The following FBXL17 variants were observed in gnomAD, a reference collection of about 807,000 sequenced individuals.
The protein encoded by FBXL17 is F-box/LRR-repeat protein 17.
A neutral mutation model predicts 66.2 loss-of-function variants in FBXL17; 22 were observed. The observed-to-expected ratio is 0.33, with a 90% CI of 0.24 to 0.47. The LOEUF is 0.47. Among genes scored for constraint, FBXL17 ranks in the 20% least tolerant of loss-of-function variants. FBXL17 has a pLI of 1.00. For missense variants in FBXL17, 878 were observed against 948.2 expected (o/e 0.93, Z 0.97); for synonymous variants, 474 against 400.5 (o/e 1.18, Z -2.19).
chr5:107,895,847 G>T (rs890328139), intron 7 of FBXL17, among the ~76,000 whole-genome samples: 8 of 152,100 alleles, frequency 5.3e-5, no homozygotes, highest in Non-Finnish European at 1.2e-4. Context: ...AGGTTTCTAT[G>T]TTCAAGAGGT....
chr5:108,239,072 T>C (rs984926082), intron 4 of FBXL17, among the ~76,000 whole-genome samples: 7 of 151,918 alleles, frequency 4.6e-5, no homozygotes, highest in Non-Finnish European at 5.9e-5. Flanking sequence ...ATTTTTTTTT[T>C]AGAGACAGTG....
chr5:107,930,361 T>C (rs979111884), intron 7 of FBXL17, among the ~76,000 whole-genome samples: 3 of 152,196 alleles, frequency 2.0e-5, no homozygotes, highest in Non-Finnish European at 2.9e-5. Context: ...CCAGCTGTTC[T>C]TGTGGCCAAC....
intron 6 of FBXL17, among the ~76,000 whole-genome samples, chr5:108,138,222 C>T (rs1310442088): frequency 1.3e-5 from 2 of 152,162 alleles, no homozygotes; most frequent in African/African-American, 4.8e-5. Context: ...AAATACATTT[C>T]AGACTACAAA....
intron 7 of FBXL17, among the ~76,000 whole-genome samples, chr5:107,934,742 C>T (rs1750844162): frequency 6.6e-6 from 1 of 152,054 alleles, no homozygotes; most frequent in Non-Finnish European, 1.5e-5. Context: ...TCAGACAGGC[C>T]ATTTCAGGAG....
intron 6 of FBXL17, among the ~76,000 whole-genome samples, chr5:108,082,096 A>G (rs560006474): frequency 1.3e-5 from 2 of 152,258 alleles, no homozygotes; most frequent in African/African-American, 2.4e-5. Flanking sequence ...TCCTACCTCT[A>G]TCCTGACACT....
At chr5:108,199,832 A>T (rs1580601766) in intron 5 of FBXL17, among the ~76,000 whole-genome samples, 1 of 152,310 alleles carries the variant, frequency 6.6e-6, no homozygotes, top group South Asian at 2.1e-4. Context: ...TATAAATATG[A>T]AATTACACAA....
At chr5:107,914,553 G>A (rs375274860) in intron 7 of FBXL17, among the ~76,000 whole-genome samples, 6 of 152,264 alleles carry the variant, frequency 3.9e-5, no homozygotes, top group African/African-American at 1.2e-4. Context: ...TCAACTCTGG[G>A]GTTAGGCCTT....
chr5:108,057,928 C>T (rs572965175), intron 6 of FBXL17, among the ~76,000 whole-genome samples: 1 of 152,104 alleles, frequency 6.6e-6, no homozygotes, highest in African/African-American at 2.4e-5. Context: ...AAAAACACCA[C>T]GTGAGGTGGT....
At chr5:108,325,918 T>C (rs1047467417) in intron 4 of FBXL17, among the ~76,000 whole-genome samples, 3 of 152,086 alleles carry the variant, frequency 2.0e-5, no homozygotes, top group African/African-American at 7.2e-5. Context: ...ACCAAAAGAC[T>C]CTACTCATTC....
chr5:108,173,610 A>C (rs1295993805), intron 6 of FBXL17, among the ~76,000 whole-genome samples: 1 of 152,114 alleles, frequency 6.6e-6, no homozygotes, highest in Non-Finnish European at 1.5e-5. Flanking sequence ...ATACAATACA[A>C]CCTATTTTCT....
intron 5 of FBXL17, among the ~76,000 whole-genome samples, chr5:108,200,913 C>A (rs185384526): frequency 3.3e-5 from 5 of 152,058 alleles, no homozygotes; most frequent in African/African-American, 1.2e-4. Context: ...TATTACTGGG[C>A]AAGTGTGTCT....
At chr5:107,912,301 G>A (rs1425371919) in intron 7 of FBXL17, among the ~76,000 whole-genome samples, 1 of 152,078 alleles carries the variant, frequency 6.6e-6, no homozygotes, top group Non-Finnish European at 1.5e-5. Context: ...CTCCTCTAAG[G>A]TCCCATAGCT....
chr5:108,083,449 G>A (rs1440859959), intron 6 of FBXL17, among the ~76,000 whole-genome samples: 1 of 152,180 alleles, frequency 6.6e-6, no homozygotes, highest in Non-Finnish European at 1.5e-5. Flanking sequence ...CACCCAGGCT[G>A]GAGTGCAGTA....
chr5:108,009,288 T>TAGATAGATATATATATATAGATAG (rs1294587845), intron 7 of FBXL17, among the ~76,000 whole-genome samples: 1 of 28,756 alleles, frequency 3.5e-5, no homozygotes, highest in African/African-American at 1.2e-4. Flanking sequence ...TATATATATA[T>TAGATAGATATATATATATAGATAG]ATATATATAT....
chr5:108,315,277 G>A (rs1172415599), intron 4 of FBXL17, among the ~76,000 whole-genome samples: 1 of 151,064 alleles, frequency 6.6e-6, no homozygotes, highest in African/African-American at 2.4e-5. Context: ...ATCAGCTTTA[G>A]TAACATATTC....
At chr5:107,980,061 T>G (rs868845259) in intron 7 of FBXL17, among the ~76,000 whole-genome samples, 87 of 152,318 alleles carry the variant, frequency 5.7e-4, no homozygotes, top group Middle Eastern at 3.4e-3. Flanking sequence ...CTTGACCACA[T>G]GCGTGAACCT....
chr5:108,131,316 A>G (rs536293158), intron 6 of FBXL17, among the ~76,000 whole-genome samples: 1 of 152,274 alleles, frequency 6.6e-6, no homozygotes, highest in African/African-American at 2.4e-5. Flanking sequence ...ATATTTTGCT[A>G]TAAGAGTGAT....
chr5:108,191,676 CTT>C (rs1230837082), intron 5 of FBXL17, among the ~76,000 whole-genome samples: 1 of 152,154 alleles, frequency 6.6e-6, no homozygotes, highest in East Asian at 1.9e-4. Flanking sequence ...CTATTTGACT[CTT>C]GAACTTTTAG....
intron 6 of FBXL17, among the ~76,000 whole-genome samples, chr5:108,131,508 G>A (rs1277425884): frequency 2.6e-5 from 4 of 152,024 alleles, no homozygotes; most frequent in South Asian, 2.1e-4. Context: ...CTACACCTTA[G>A]AAGGAAAATT....
Sources: allele counts gnomAD v4.1 joint callset (sites outside exome capture counted in the v4.1 genomes callset), GRCh38; gene constraint gnomAD v4.1.1; transcripts MANE v1.5; gene names NCBI Gene and HGNC (gene_info 2026-07-23, HGNC 2026-07-21).